The following FAF2 variants were observed in gnomAD, a reference collection of about 807,000 sequenced individuals.
FAF2 encodes FAS-associated factor 2.
In FAF2, 9 loss-of-function variants were observed where a neutral mutation model predicts 62.3. That is an observed-to-expected ratio of 0.14 (90% CI 0.09 to 0.25). The LOEUF (loss-of-function observed/expected upper bound fraction) is 0.25. Among genes scored for constraint, FAF2 ranks in the 10% least tolerant of loss-of-function variants. The probability of loss-of-function intolerance (pLI) is 1.00; values close to 1 mark genes in which losing one functional copy is unlikely to be tolerated. For synonymous variants in FAF2, 202 were observed against 198.0 expected (o/e 1.02, Z -0.17); for missense variants, 368 against 556.2 (o/e 0.66, Z 3.40).
At chr5:176,478,538 A>T (rs947517351) in intron 1 of FAF2, among the ~76,000 whole-genome samples, 1 of 152,370 alleles carries the variant, frequency 6.6e-6, no homozygotes, top group Admixed American at 6.5e-5. Flanking sequence ...AGTTCATATT[A>T]TAAACTAGGT....
rs1212655822 is a variant in FAF2 at position 176,508,407 on chromosome 5, A to C, written c.*1457A>C. The stretch of plus-strand genomic sequence containing the variant: ...GCTGTGAGGGCGGGGGGTTCAGATC[A>C]ACATAAAGCCTAACTTGCTGGAGTT... On this transcript the variant is annotated 3_prime_UTR_variant, in exon 11 of 11. Coordinates refer to ENST00000261942, the MANE Select transcript of FAF2 (RefSeq NM_014613.3). The C allele has an allele frequency of 6.6e-6, 1 of 152,166 alleles. No homozygotes were observed. Among genetic ancestry groups the C allele is most frequent in the Non-Finnish European group, 1.5e-5 (1 of 68,026 alleles). 9.4% of individuals were successfully genotyped at this position (152,166 alleles called of 1,614,324 possible). A position where few individuals can be genotyped will look rare whatever the true frequency, so the allele number is the denominator to read the frequency against.
intron 3 of FAF2, 68 bp downstream of exon 3, chr5:176,486,557 T>A: frequency 6.6e-7 from 1 of 1,518,334 alleles, no homozygotes; most frequent in Non-Finnish European, 9.1e-7. Flanking sequence ...GTTATATTGA[T>A]CTCCCTGTGA....
chr5:176,461,745 A>G (rs1434784627), intron 1 of FAF2, among the ~76,000 whole-genome samples: 1 of 151,722 alleles, frequency 6.6e-6, no homozygotes, highest in Non-Finnish European at 1.5e-5. Flanking sequence ...ATTTTCTCCC[A>G]TTTTGTCTGT....
intron 10 of FAF2, among the ~76,000 whole-genome samples, chr5:176,506,060 G>A (rs932121298): frequency 6.6e-5 from 10 of 151,788 alleles, no homozygotes; most frequent in African/African-American, 2.4e-4. Context: ...GCGTGGTGGC[G>A]GGCGCTTGCA....
Position 176,496,497 on chromosome 5 carries a change from T to G in FAF2, c.673T>G (p.Leu225Val). The change falls in exon 8 of 11, where the codon TTA (leucine) becomes GTA (valine). Residue 225 changes from leucine to valine, a missense_variant. Leu to Val is a conservative substitution (Grantham distance 32). Transcript: ENST00000261942. ...KPEGYRVSQA[L>V]RENTYPFLAM... ...GGTCTTTTTATCAGTCTCACAGGCT[T>G]TACGAGAGAACACCTATCCATTCCT... is the stretch of plus-strand genomic sequence containing the variant. 1 of 1,596,850 alleles carries G rather than the reference T, an allele frequency of 6.3e-7. No homozygotes were observed. Among genetic ancestry groups the G allele is most frequent in the Non-Finnish European group, 8.5e-7 (1 of 1,172,626 alleles).
chr5:176,484,685 G>A (rs1028619097), intron 2 of FAF2, among the ~76,000 whole-genome samples: 1 of 152,104 alleles, frequency 6.6e-6, no homozygotes, highest in Non-Finnish European at 1.5e-5. Context: ...GAGGTGAGGA[G>A]TTCAAGACCA....
intron 10 of FAF2, among the ~76,000 whole-genome samples, chr5:176,500,644 G>A (rs1289152272): frequency 2.0e-5 from 3 of 152,130 alleles, no homozygotes; most frequent in Non-Finnish European, 4.4e-5. Context: ...CATTTTCTGA[G>A]GCTACTTTAT....
intron 1 of FAF2, among the ~76,000 whole-genome samples, chr5:176,478,333 G>A (rs1249743887): frequency 2.0e-5 from 3 of 152,160 alleles, no homozygotes; most frequent in Non-Finnish European, 4.4e-5. Context: ...CCAAAATTTA[G>A]CTGGGTGTGG....
rs1758923465 is a variant in FAF2, at chr5:176,488,966, G to T, written c.283G>T (p.Gly95Cys). ...RPQPRGLLGWGYYLIMLPFRF... is the reference protein window; with the variant it reads ...RPQPRGLLGWCYYLIMLPFRF... ...GGACTTTCAGGGGCTGCTTGGATGG[G>T]GTTATTACTTGATAATGCTTCCATT... is the stretch of plus-strand genomic sequence containing the variant. The change falls in exon 4 of 11, where the codon GGT becomes TGT. Residue 95 changes from glycine to cysteine, a missense_variant. By Grantham distance (159) the Gly-to-Cys change is radical (BLOSUM62 -3). Around this residue, in one of 2 missense-constraint regions of FAF2, gnomAD observed 331 missense variants for 441.9 expected, o/e 0.75. Coordinates refer to ENST00000261942, the MANE Select transcript of FAF2 (RefSeq NM_014613.3). The T allele has an allele frequency of 3.1e-6, 5 of 1,613,718 alleles. No individual in the cohort carries two copies. Among genetic ancestry groups the T allele is most frequent in the Non-Finnish European group, 4.2e-6 (5 of 1,179,884 alleles).
At chr5:176,502,043 C>CACT (rs1248673122) in intron 10 of FAF2, among the ~76,000 whole-genome samples, 3 of 151,926 alleles carry the variant, frequency 2.0e-5, no homozygotes, top group Non-Finnish European at 4.4e-5. Context: ...AGGCGTGAGC[C>CACT]ACTGCACCTG....
At chr5:176,468,400 C>T (rs752097199) in intron 1 of FAF2, among the ~76,000 whole-genome samples, 1 of 151,792 alleles carries the variant, frequency 6.6e-6, no homozygotes, top group East Asian at 1.9e-4. Context: ...CTGGCTAACA[C>T]GGTGAAACCC....
At chr5:176,467,020 G>T (rs530037645) in intron 1 of FAF2, among the ~76,000 whole-genome samples, 1 of 152,232 alleles carries the variant, frequency 6.6e-6, no homozygotes, top group East Asian at 1.9e-4. Flanking sequence ...TTTATGGAAG[G>T]GGAGTCATCT....
intron 2 of FAF2, 66 bp from the exon 3 acceptor site, chr5:176,486,289 C>T (rs965272926): frequency 2.5e-6 from 4 of 1,596,056 alleles, no homozygotes; most frequent in Non-Finnish European, 2.6e-6. Context: ...CAATAGTTGC[C>T]TCACCTCTTG....
intron 1 of FAF2, among the ~76,000 whole-genome samples, chr5:176,471,104 C>T (rs1157533216): frequency 6.6e-6 from 1 of 152,148 alleles, no homozygotes; most frequent in Non-Finnish European, 1.5e-5. Flanking sequence ...ATCACCTGAT[C>T]CTTTTGGCCC....
rs143101615 is a variant in FAF2, at chr5:176,478,731, A to G, written c.64-457A>G. ...TACGTTTTACTGAATGAGCATCTCA[A>G]ATCTGAAATGTTCCACTATGCATTT... On this transcript the variant is annotated intron_variant, in intron 1 of 10. Transcript: ENST00000261942. Among the ~76,000 whole-genome samples, 571 of 152,332 alleles carry G rather than the reference A, an allele frequency of 3.7e-3. 5 individuals are homozygous for G. Among genetic ancestry groups the G allele is most frequent in the African/African-American group, 0.013 (556 of 41,576 alleles).
At chr5:176,462,803 T>G (rs1305088775) in intron 1 of FAF2, among the ~76,000 whole-genome samples, 2 of 152,170 alleles carry the variant, frequency 1.3e-5, no homozygotes, top group Admixed American at 1.3e-4. Context: ...GATTTCAAGC[T>G]ATTTTGAAAC....
chr5:176,461,901 A>G (rs1233372574), intron 1 of FAF2, among the ~76,000 whole-genome samples: 1 of 152,160 alleles, frequency 6.6e-6, no homozygotes, highest in Non-Finnish European at 1.5e-5. Flanking sequence ...TGATACTACT[A>G]GGTTTTCTTG....
intron 1 of FAF2, among the ~76,000 whole-genome samples, chr5:176,473,152 CTT>C (rs769827323): frequency 2.6e-4 from 39 of 152,264 alleles, no homozygotes; most frequent in Admixed American, 7.2e-4. Context: ...ACCTGATACT[CTT>C]TTTGTGTTCC....
At chr5:176,463,251 GC>G (rs1758411592) in intron 1 of FAF2, among the ~76,000 whole-genome samples, 1 of 151,914 alleles carries the variant, frequency 6.6e-6, no homozygotes, top group South Asian at 2.1e-4. Context: ...AAAAAAATTA[GC>G]CAGGCATGGT....
Sources: gnomAD v4.1 joint callset for allele counts (sites outside exome capture counted in the v4.1 genomes callset) on GRCh38, gnomAD v4.1.1 for gene constraint, gnomAD v4.1.1 regional missense constraint, MANE v1.5 for transcripts, NCBI Gene and HGNC (gene_info 2026-07-23, HGNC 2026-07-21) for gene names.